CSMD3: variants seen among roughly 807,000 people sequenced by gnomAD.
CSMD3 encodes the protein CUB and sushi domain-containing protein 3.
CSMD3 carries 177 observed loss-of-function variants against 435.2 expected under a neutral mutation model. The observed-to-expected ratio is 0.41, with a 90% CI of 0.36 to 0.46. The LOEUF is 0.46. Among genes scored for constraint, CSMD3 ranks in the 20% least tolerant of loss-of-function variants. The pLI, the probability that CSMD3 is intolerant of heterozygous loss-of-function variation, is 0.34. For synonymous variants in CSMD3, 1,656 were observed against 1,520.5 expected (o/e 1.09, Z -2.07); for missense variants, 4,265 against 4,504.6 (o/e 0.95, Z 1.52).
intron 13 of CSMD3, among the ~76,000 whole-genome samples, chr8:112,690,595 C>T (rs893748419): frequency 1.3e-4 from 19 of 150,412 alleles, no homozygotes; most frequent in South Asian, 6.4e-4. Context: ...AGACCCCCCC[C>T]CCCAACAAAA....
chr8:112,304,833 T>A lies in CSMD3; in HGVS notation c.8154A>T (p.Lys2718Asn). 6.2e-7 allele frequency: 1 copy of A among 1,613,954 alleles called. No homozygotes were observed. The highest frequency in any genetic ancestry group is 8.5e-7 in the Non-Finnish European group (1 of 1,179,908). ...RIVNGSHYEY[K>N]TKVVFSCDPG... is the part of the protein sequence containing the mutation. ...GGTCACAGCTGAAAACTACTTTGGT[T>A]TTGTATTCATAATGGGAGCCATTCA... Residue 2718 changes from lysine (K) to asparagine (N), a missense_variant, in exon 52 of 71, where the codon AAA (lysine) becomes AAT (asparagine). By Grantham distance (94) the Lys-to-Asn change is moderately conservative (BLOSUM62 0). Around this residue, in one of 3 missense-constraint regions of CSMD3, gnomAD observed 3,255 missense variants for 3,380.2 expected, o/e 0.96. Transcript: ENST00000297405.
intron 3 of CSMD3, among the ~76,000 whole-genome samples, chr8:113,181,360 T>C (rs772621488): frequency 1.6e-4 from 24 of 152,068 alleles, no homozygotes; most frequent in South Asian, 4.1e-4. Flanking sequence ...GTAATGTCAT[T>C]CTGTTTTCAT....
chr8:112,405,391 A>T (rs1831758003), intron 35 of CSMD3, among the ~76,000 whole-genome samples: 1 of 150,324 alleles, frequency 6.7e-6, no homozygotes, highest in Non-Finnish European at 1.5e-5. Flanking sequence ...GTAATTTAAA[A>T]AATAATAAAA....
At chr8:113,068,500 A>G (rs1381158598) in intron 5 of CSMD3, among the ~76,000 whole-genome samples, 1 of 152,114 alleles carries the variant, frequency 6.6e-6, no homozygotes, top group Non-Finnish European at 1.5e-5. Flanking sequence ...TATCTTTCCT[A>G]TCTATTCTTT....
intron 1 of CSMD3, among the ~76,000 whole-genome samples, chr8:113,413,445 G>T (rs968019392): frequency 6.6e-6 from 1 of 151,984 alleles, no homozygotes; most frequent in Non-Finnish European, 1.5e-5. Context: ...GAAAGTCAAG[G>T]TATTTAAAAT....
intron 13 of CSMD3, among the ~76,000 whole-genome samples, chr8:112,741,266 C>A (rs1210243091): frequency 6.6e-6 from 1 of 151,800 alleles, no homozygotes; most frequent in Non-Finnish European, 1.5e-5. Context: ...AACTCAATAG[C>A]AATTTTGTAA....
At chr8:112,257,020 C>T (rs1191549441) in intron 61 of CSMD3, among the ~76,000 whole-genome samples, 3 of 152,084 alleles carry the variant, frequency 2.0e-5, no homozygotes, top group South Asian at 4.1e-4. Context: ...TAAAACCTTC[C>T]CTGAAATTCA....
intron 58 of CSMD3, among the ~76,000 whole-genome samples, chr8:112,281,568 CT>C (rs958122200): frequency 6.6e-6 from 1 of 152,008 alleles, no homozygotes; most frequent in Non-Finnish European, 1.5e-5. Context: ...TTTCTTAAGA[CT>C]TTTTTTAGCA....
At chr8:112,652,051 G>T (rs1262120782) in intron 18 of CSMD3, among the ~76,000 whole-genome samples, 1 of 152,076 alleles carries the variant, frequency 6.6e-6, no homozygotes, top group Non-Finnish European at 1.5e-5. Context: ...TATATAAAAT[G>T]TTGGACATAC....
chr8:113,342,406 G>A (rs919161666), intron 1 of CSMD3, among the ~76,000 whole-genome samples: 1 of 152,056 alleles, frequency 6.6e-6, no homozygotes, highest in Non-Finnish European at 1.5e-5. Flanking sequence ...AGCGCTATTT[G>A]CAGACTAATA....
chr8:112,670,456 T>C (rs578055052), intron 16 of CSMD3, among the ~76,000 whole-genome samples: 2 of 152,278 alleles, frequency 1.3e-5, no homozygotes, highest in East Asian at 3.9e-4. Flanking sequence ...AACTTTCATG[T>C]AAAATGGATT....
chr8:113,019,028 T>G, intron 6 of CSMD3, 39 bp downstream of exon 6: 1 of 1,273,746 alleles, frequency 7.9e-7, no homozygotes, highest in Non-Finnish European at 1.1e-6. Flanking sequence ...CAAAATTATT[T>G]TACATATCAA....
intron 68 of CSMD3, among the ~76,000 whole-genome samples, chr8:112,233,590 T>C (rs1813291234): frequency 6.6e-6 from 1 of 152,144 alleles, no homozygotes; most frequent in South Asian, 2.1e-4. Context: ...TTGAACTTAT[T>C]GAAGGCTTAT....
chr8:112,361,527 A>ATGTG (rs146526477), intron 38 of CSMD3, among the ~76,000 whole-genome samples: 2 of 137,096 alleles, frequency 1.5e-5, no homozygotes, highest in East Asian at 4.3e-4. Context: ...GTAATTCTGA[A>ATGTG]TGTGTGTGTG....
chr8:112,378,391 C>T (rs1290777288), intron 38 of CSMD3, among the ~76,000 whole-genome samples: 1 of 152,048 alleles, frequency 6.6e-6, no homozygotes, highest in African/African-American at 2.4e-5. Context: ...CAGCAGTATT[C>T]ACAATAGCGA....
At chr8:112,351,121 T>C (rs7003308) in intron 40 of CSMD3, 54 bp downstream of exon 40, 499,903 of 1,057,256 alleles carry the variant, frequency 0.47, 118,151 homozygotes, top group Middle Eastern at 0.54. Context: ...CTTTATAGTC[T>C]TTTTTTTTAC....
At chr8:112,615,368 A>G (rs1425572470) in intron 22 of CSMD3, among the ~76,000 whole-genome samples, 1 of 152,122 alleles carries the variant, frequency 6.6e-6, no homozygotes, top group Non-Finnish European at 1.5e-5. Context: ...TATAGAACCT[A>G]AACACATTTT....
chr8:112,773,526 A>C (rs2078172847), intron 13 of CSMD3, among the ~76,000 whole-genome samples: 1 of 152,102 alleles, frequency 6.6e-6, no homozygotes, highest in Non-Finnish European at 1.5e-5. Flanking sequence ...TCAACTTTCC[A>C]AAGCAACATG....
chr8:112,439,106 A>C (rs1814696108), intron 32 of CSMD3, among the ~76,000 whole-genome samples: 2 of 152,166 alleles, frequency 1.3e-5, no homozygotes, highest in Non-Finnish European at 2.9e-5. Flanking sequence ...ACCTGTAAGC[A>C]CTTTGAAAAA....
Sources: gnomAD v4.1 joint callset for allele counts (sites outside exome capture counted in the v4.1 genomes callset) on GRCh38, gnomAD v4.1.1 for gene constraint, gnomAD v4.1.1 regional missense constraint, MANE v1.5 for transcripts, NCBI Gene and HGNC (gene_info 2026-07-23, HGNC 2026-07-21) for gene names.